ZNF879: variants seen among roughly 807,000 people sequenced by gnomAD.
The protein encoded by ZNF879 is zinc finger protein 879.
Under a neutral mutation model 44.3 loss-of-function variants are expected in ZNF879, and 32 were observed. The ratio of observed to expected loss-of-function variants is 0.72; its 90% CI spans 0.54 to 0.97. ZNF879 has a LOEUF of 0.97. ZNF879 is among the 50% of genes least tolerant of loss of function. The pLI, the probability that ZNF879 is intolerant of heterozygous loss-of-function variation, is 0.00. For missense variants in ZNF879, 621 were observed against 669.7 expected (o/e 0.93, Z 0.80); for synonymous variants, 234 against 233.2 (o/e 1.00, Z -0.03).
Position 179,031,418 on chromosome 5 carries a change from A to G in ZNF879, c.257-787A>G, listed in dbSNP as rs114260924. Among the ~76,000 whole-genome samples, 691 of 152,266 alleles carry G rather than the reference A, an allele frequency of 4.5e-3. 7 individuals are homozygous for G. The highest frequency in any genetic ancestry group is 0.016 in the African/African-American group (669 of 41,544). ...TATTCCTGCCTAGGGCCTTTGTGTT[A>G]CTGTTCTTTCTGACTGGAATCACCT... On this transcript the variant is annotated intron_variant, in intron 4 of 4. Coordinates refer to ENST00000444149, the MANE Select transcript of ZNF879 (RefSeq NM_001136116.3).
intron 3 of ZNF879, 94 bp downstream of exon 3, chr5:179,027,693 A>T: frequency 6.7e-7 from 1 of 1,502,802 alleles, no homozygotes; most frequent in Non-Finnish European, 9.0e-7. Flanking sequence ...GTCGGCTCAC[A>T]GGTGGGCTCC....
chr5:179,026,335 A>G (rs1332864036), intron 2 of ZNF879, among the ~76,000 whole-genome samples: 4 of 152,224 alleles, frequency 2.6e-5, no homozygotes, highest in South Asian at 2.1e-4. Flanking sequence ...TTTTATTTAA[A>G]TATAGAACCA....
In ZNF879 at chr5:179,032,506, G is replaced by A. The variant is rs1416894174; in HGVS notation, c.558G>A (p.Gln186=). The A allele has an allele frequency of 1.9e-6, 3 of 1,551,682 alleles. No homozygotes were observed. The highest frequency in any genetic ancestry group is 2.0e-5 in the Admixed American group (1 of 51,000). The stretch of plus-strand genomic sequence containing the variant: ...CCAGAGGAAGGAGACCCCGTTCACA[G>A]CAGTATTCAGTTCTCTTTAAACAAC... The part of the protein sequence containing the change: ...IVSRGRRPRS[Q]QYSVLFKQLG... Residue 186 remains glutamine (Q), a synonymous_variant, in exon 5 of 5, where the codon CAG becomes CAA. Transcript: ENST00000444149.
At chr5:179,027,087 C>T (rs1208044172) in intron 2 of ZNF879, among the ~76,000 whole-genome samples, 1 of 152,228 alleles carries the variant, frequency 6.6e-6, no homozygotes, top group Non-Finnish European at 1.5e-5. Flanking sequence ...GACCGCCTTT[C>T]CCAGCAAGCC....
chr5:179,027,751 TTAG>T (rs1051483494), intron 3 of ZNF879, among the ~76,000 whole-genome samples, 152 bp downstream of exon 3: 10 of 152,138 alleles, frequency 6.6e-5, no homozygotes, highest in Non-Finnish European at 1.3e-4. Flanking sequence ...AGACCTTGGC[TTAG>T]TAGAGTTGAT....
rs76378368 is a variant in ZNF879, at chr5:179,027,895, T to C, written c.161-137T>C. 5.1e-4 allele frequency: 402 copies of C among 786,320 alleles called. 2 individuals are homozygous for C. The African/African-American group carries it at 6.4e-3, about 13-fold the overall frequency. 48.7% of individuals were successfully genotyped at this position (786,320 alleles called of 1,614,324 possible). ...TTTCTTCCTGGGACCATCTCCTGGT[T>C]GTCCTCTAGGAGCCCAGTTTGAAGC... On this transcript the variant is annotated intron_variant, in intron 3 of 4. Coordinates refer to ENST00000444149, the MANE Select transcript of ZNF879 (RefSeq NM_001136116.3).
At position 179,028,047 on chromosome 5, in the gene ZNF879, A is replaced by G; in HGVS notation, c.176A>G (p.Lys59Arg). 6.4e-7 allele frequency: 1 copy of G among 1,551,492 alleles called. No individual in the cohort carries two copies. The highest frequency in any genetic ancestry group is 8.7e-7 in the Non-Finnish European group (1 of 1,146,934). The stretch of plus-strand genomic sequence containing the variant: ...TCATGAACAGGGATTCTCTTTTCCA[A>G]GCCAAAGGTCATCTCCCAGTTAGAG... ...ILVSLGILFS[K>R]PKVISQLEQG... Residue 59 changes from lysine (K) to arginine (R), a missense_variant, in exon 4 of 5, where the codon AAG becomes AGG. Transcript: ENST00000444149.
chr5:179,032,419 T>G lies in ZNF879; in HGVS notation c.471T>G (p.Gly157=). The part of the protein sequence containing the change: ...KVYMKERSFK[G]VEFGKNLGLK... ...ACATGAAGGAGAGGAGCTTTAAAGG[T>G]GTTGAATTTGGGAAAAATCTTGGTC... is the stretch of plus-strand genomic sequence containing the variant. Residue 157 remains glycine (G), a synonymous_variant, in exon 5 of 5, where the codon GGT becomes GGG. Transcript: ENST00000444149. 5 of 1,551,490 alleles carry G rather than the reference T, an allele frequency of 3.2e-6. No homozygotes were observed. Among genetic ancestry groups the G allele is most frequent in the Non-Finnish European group, 4.4e-6 (5 of 1,146,922 alleles).
rs565913047 is a variant in ZNF879, at chr5:179,033,792, G to A, written c.*152G>A. Reference sequence around the variant, plus strand: ...CACACATCAGAGACTTCATGATGCAGGGTAACCTTGGGAATGCTAGAAAAG... The same window carrying A: ...CACACATCAGAGACTTCATGATGCAAGGTAACCTTGGGAATGCTAGAAAAG... On this transcript the variant is annotated 3_prime_UTR_variant, in exon 5 of 5. Coordinates refer to ENST00000444149, the MANE Select transcript of ZNF879 (RefSeq NM_001136116.3). 17 of 526,576 alleles carry A rather than the reference G, an allele frequency of 3.2e-5. No individual in the cohort carries two copies. The South Asian group carries it at 5.9e-4, about 18-fold the overall frequency. 32.6% of individuals were successfully genotyped at this position (526,576 alleles called of 1,614,324 possible).
At chr5:179,027,763 A>G (rs1290100276) in intron 3 of ZNF879, among the ~76,000 whole-genome samples, 164 bp downstream of exon 3, 1 of 152,078 alleles carries the variant, frequency 6.6e-6, no homozygotes, top group Non-Finnish European at 1.5e-5. Flanking sequence ...AGTAGAGTTG[A>G]TGAAGGGGTC....
At chr5:179,024,723 T>C (rs1453820362) in intron 1 of ZNF879, 1 of 463,308 alleles carries the variant, frequency 2.2e-6, no homozygotes, top group Non-Finnish European at 3.9e-6. Flanking sequence ...GCACGGCAGA[T>C]GGTCTTCATC....
At position 179,034,120 on chromosome 5, in the gene ZNF879, A is replaced by G. The variant is rs1761518068; in HGVS notation, c.*480A>G. 1 of 152,930 alleles carries G rather than the reference A, an allele frequency of 6.5e-6. No individual in the cohort carries two copies. Among genetic ancestry groups the G allele is most frequent in the Admixed American group, 6.5e-5 (1 of 15,336 alleles). The allele number at this position is 152,930 out of a possible 1,614,324, so 9.5% of individuals were successfully genotyped here. A position where few individuals can be genotyped will look rare whatever the true frequency, so the allele number is the denominator to read the frequency against. On this transcript the variant is annotated 3_prime_UTR_variant, in exon 5 of 5. Coordinates refer to ENST00000444149, the MANE Select transcript of ZNF879 (RefSeq NM_001136116.3). ...CTCACTGTCACTAAAATGTTTTTTA[A>G]TAATCTTAAAGCAGATTCTGCACTT...
intron 2 of ZNF879, among the ~76,000 whole-genome samples, chr5:179,027,106 T>G (rs919233533): frequency 1.4e-4 from 22 of 152,228 alleles, no homozygotes; most frequent in African/African-American, 3.9e-4. Context: ...CCTGGTGGTG[T>G]TCCACCTATA....
At chr5:179,026,856 A>G (rs1178342523) in intron 2 of ZNF879, among the ~76,000 whole-genome samples, 1 of 152,200 alleles carries the variant, frequency 6.6e-6, no homozygotes, top group Non-Finnish European at 1.5e-5. Flanking sequence ...CCAGTGAAGG[A>G]GGAGAGAGAT....
chr5:179,028,434 A>G (rs1276986463), intron 4 of ZNF879, among the ~76,000 whole-genome samples: 1 of 151,962 alleles, frequency 6.6e-6, no homozygotes, highest in African/African-American at 2.4e-5. Flanking sequence ...TTCTTTTCCT[A>G]AATTATTTTC....
At position 179,032,437 on chromosome 5, in the gene ZNF879, T is replaced by C. The variant is rs2113068468; in HGVS notation, c.489T>C (p.Asn163=). 6.4e-7 allele frequency: 1 copy of C among 1,551,566 alleles called. No individual in the cohort carries two copies. The highest frequency in any genetic ancestry group is 8.7e-7 in the Non-Finnish European group (1 of 1,146,948). Residue 163 remains asparagine (N), a synonymous_variant, in exon 5 of 5, where the codon AAT becomes AAC. Coordinates refer to ENST00000444149, the MANE Select transcript of ZNF879 (RefSeq NM_001136116.3). ...RSFKGVEFGK[N]LGLKSSLIRK... ...TTAAAGGTGTTGAATTTGGGAAAAA[T>C]CTTGGTCTAAAATCATCGCTTATTA...
At chr5:179,026,361 C>A (rs1333858284) in intron 2 of ZNF879, among the ~76,000 whole-genome samples, 1 of 152,190 alleles carries the variant, frequency 6.6e-6, no homozygotes, top group Non-Finnish European at 1.5e-5. Context: ...GCATGAAAAT[C>A]ACCTGAAGAG....
chr5:179,031,872 T>G (rs1307641419), intron 4 of ZNF879, among the ~76,000 whole-genome samples: 1 of 152,184 alleles, frequency 6.6e-6, no homozygotes, highest in Non-Finnish European at 1.5e-5. Context: ...CCCTTGGTAT[T>G]TACCTGAGTG....
Position 179,033,929 on chromosome 5 carries a change from A to G in ZNF879, c.*289A>G, listed in dbSNP as rs539481107. 3.9e-5 allele frequency: 9 copies of G among 229,396 alleles called. No individual in the cohort carries two copies. The highest frequency in any genetic ancestry group is 1.6e-4 in the African/African-American group (7 of 44,316). The allele number at this position is 229,396 out of a possible 1,614,324, so 14.2% of individuals were successfully genotyped here. A position where few individuals can be genotyped will look rare whatever the true frequency, so the allele number is the denominator to read the frequency against. ...CTAGTGATGTACGATAACAGCCACC[A>G]GCTTTCCTGAGCATCACTGGGAAGC... On this transcript the variant is annotated 3_prime_UTR_variant, in exon 5 of 5. Transcript: ENST00000444149.
Sources: gnomAD v4.1 joint callset for allele counts (sites outside exome capture counted in the v4.1 genomes callset) on GRCh38, gnomAD v4.1.1 for gene constraint, MANE v1.5 for transcripts, NCBI Gene and HGNC (gene_info 2026-07-23, HGNC 2026-07-21) for gene names.